CDH12: variants seen among roughly 807,000 people sequenced by gnomAD.
CDH12 encodes cadherin 12.
CDH12 carries 41 observed loss-of-function variants against 74.1 expected under a neutral mutation model. The observed-to-expected ratio is 0.55, with a 90% CI of 0.43 to 0.72. The LOEUF is 0.72. Ranked by LOEUF, CDH12 falls within the 30% of genes least tolerant of loss-of-function variation. The probability of loss-of-function intolerance (pLI) is 0.00; values close to 1 mark genes in which losing one functional copy is unlikely to be tolerated. For missense variants in CDH12, 945 were observed against 977.2 expected (o/e 0.97, Z 0.44); for synonymous variants, 399 against 355.0 (o/e 1.12, Z -1.39).
chr5:21,855,918 G>A (rs1013466785), intron 6 of CDH12, among the ~76,000 whole-genome samples: 1 of 151,652 alleles, frequency 6.6e-6, no homozygotes, highest in African/African-American at 2.4e-5. Context: ...GTTGTGACAA[G>A]AGTAAGAAAC....
intron 1 of CDH12, among the ~76,000 whole-genome samples, chr5:22,623,771 A>G (rs1055957581): frequency 7.9e-5 from 12 of 152,200 alleles, no homozygotes; most frequent in African/African-American, 2.9e-4. Flanking sequence ...TACCATACCC[A>G]TCAAGCTACC....
chr5:22,745,052 G>T (rs1322974170), intron 1 of CDH12, among the ~76,000 whole-genome samples: 1 of 151,314 alleles, frequency 6.6e-6, no homozygotes, highest in Non-Finnish European at 1.5e-5. Context: ...ATTTATAATT[G>T]TCAGATCTGC....
intron 3 of CDH12, among the ~76,000 whole-genome samples, chr5:22,290,685 G>T (rs1309882857): frequency 2.0e-5 from 3 of 152,110 alleles, no homozygotes; most frequent in African/African-American, 4.8e-5. Context: ...TTGAGTCATA[G>T]GGGTCATTAA....
intron 1 of CDH12, among the ~76,000 whole-genome samples, chr5:22,527,186 A>G (rs919286158): frequency 6.6e-5 from 10 of 152,132 alleles, no homozygotes; most frequent in Non-Finnish European, 4.4e-5. Flanking sequence ...AGGGTAAAAG[A>G]AAGACTAGTA....
At chr5:22,705,499 G>GCACGCA (rs1742958264) in intron 1 of CDH12, among the ~76,000 whole-genome samples, 1 of 143,486 alleles carries the variant, frequency 7.0e-6, no homozygotes, top group Admixed American at 7.0e-5. Flanking sequence ...CAACACACAT[G>GCACGCA]CACACACACA....
intron 3 of CDH12, among the ~76,000 whole-genome samples, chr5:22,333,939 C>A (rs552992603): frequency 6.6e-6 from 1 of 152,204 alleles, no homozygotes; most frequent in Admixed American, 6.5e-5. Context: ...CCTGTAATGA[C>A]AAAAACCCTT....
intron 1 of CDH12, among the ~76,000 whole-genome samples, chr5:22,739,429 G>T (rs116299554): frequency 0.056 from 8,486 of 151,820 alleles, 269 homozygotes; most frequent in Admixed American, 0.082. Context: ...TTACATTTAA[G>T]AACCTATTTT....
chr5:22,537,889 T>C (rs1207331972), intron 1 of CDH12, among the ~76,000 whole-genome samples: 1 of 152,212 alleles, frequency 6.6e-6, no homozygotes, highest in Non-Finnish European at 1.5e-5. Context: ...TGTGAATGAT[T>C]GCTGTGTTAA....
intron 2 of CDH12, among the ~76,000 whole-genome samples, chr5:22,426,013 C>G (rs1446291223): frequency 6.6e-6 from 1 of 151,572 alleles, no homozygotes; most frequent in Non-Finnish European, 1.5e-5. Context: ...ATGATGAAAC[C>G]CCGTATCTAC....
chr5:22,417,368 G>A (rs1458442962), intron 2 of CDH12, among the ~76,000 whole-genome samples: 6 of 152,140 alleles, frequency 3.9e-5, no homozygotes, highest in Admixed American at 1.3e-4. Context: ...CAATTACTGG[G>A]GGACTGGATA....
At chr5:22,580,442 C>T in intron 1 of CDH12, 1 of 512,234 alleles carries the variant, frequency 2.0e-6, no homozygotes, top group Non-Finnish European at 4.0e-6. Context: ...AGTACTGCCA[C>T]TTGACAAACC....
chr5:21,904,886 C>A (rs575838790), intron 6 of CDH12, among the ~76,000 whole-genome samples: 21 of 152,210 alleles, frequency 1.4e-4, no homozygotes, highest in Non-Finnish European at 2.8e-4. Flanking sequence ...GTGGTTTATA[C>A]CACTGCAGGG....
chr5:22,354,130 C>T (rs1335025257), intron 3 of CDH12, among the ~76,000 whole-genome samples: 1 of 152,084 alleles, frequency 6.6e-6, no homozygotes, highest in Non-Finnish European at 1.5e-5. Context: ...AGAGAAGTTG[C>T]TATCAAATTA....
intron 3 of CDH12, among the ~76,000 whole-genome samples, chr5:22,370,080 T>C (rs1202608307): frequency 6.6e-6 from 1 of 152,176 alleles, no homozygotes; most frequent in African/African-American, 2.4e-5. Context: ...AAGCTTTTCT[T>C]TTCCCTTTGT....
intron 3 of CDH12, among the ~76,000 whole-genome samples, chr5:22,283,463 T>C (rs1737007414): frequency 6.6e-6 from 1 of 151,812 alleles, no homozygotes; most frequent in Admixed American, 6.6e-5. Flanking sequence ...ATATATTCAG[T>C]TGCAACAACA....
chr5:22,850,642 T>G (rs571709812), intron 1 of CDH12, among the ~76,000 whole-genome samples: 13 of 152,096 alleles, frequency 8.5e-5, no homozygotes, highest in Non-Finnish European at 1.6e-4. Context: ...TCTGACATAA[T>G]TACTTTTAAA....
chr5:22,795,580 ATACATATATAT>A (rs148575521), intron 1 of CDH12, among the ~76,000 whole-genome samples: 8,379 of 151,198 alleles, frequency 0.055, 337 homozygotes, highest in East Asian at 0.17. Flanking sequence ...TATATAATAT[ATACATATATAT>A]TATACACACA....
At chr5:21,919,184 T>C (rs1256472394) in intron 6 of CDH12, among the ~76,000 whole-genome samples, 1 of 152,204 alleles carries the variant, frequency 6.6e-6, no homozygotes, top group Admixed American at 6.5e-5. Context: ...TAATTTCAAA[T>C]GTAGGGATGA....
intron 3 of CDH12, among the ~76,000 whole-genome samples, chr5:22,285,602 C>T (rs1365332575): frequency 6.6e-6 from 1 of 152,064 alleles, no homozygotes; most frequent in Admixed American, 6.6e-5. Context: ...TAAATAACTG[C>T]TGAATGAAAG....
Sources: allele counts gnomAD v4.1 joint callset (sites outside exome capture counted in the v4.1 genomes callset), GRCh38; gene constraint gnomAD v4.1.1; transcripts MANE v1.5; gene names NCBI Gene and HGNC (gene_info 2026-07-23, HGNC 2026-07-21).